DPP10: variants seen among roughly 807,000 people sequenced by gnomAD.
DPP10 encodes the protein inactive dipeptidyl peptidase 10.
Under a neutral mutation model 120.9 loss-of-function variants are expected in DPP10, and 33 were observed. That is an observed-to-expected ratio of 0.27 (90% CI 0.21 to 0.37). The LOEUF (loss-of-function observed/expected upper bound fraction) is 0.37. Among genes scored for constraint, DPP10 ranks in the 10% least tolerant of loss-of-function variants. The pLI is 1.00. For synonymous variants in DPP10, 337 were observed against 326.1 expected (o/e 1.03, Z -0.36); for missense variants, 816 against 942.8 (o/e 0.87, Z 1.76).
intron 1 of DPP10, among the ~76,000 whole-genome samples, chr2:114,981,592 C>T (rs1011561660): frequency 1.1e-4 from 17 of 151,930 alleles, no homozygotes; most frequent in African/African-American, 3.9e-4. Flanking sequence ...CTTTCTCTCT[C>T]TCCTTCGAAA....
chr2:114,930,773 G>A (rs2104497399), intron 1 of DPP10, among the ~76,000 whole-genome samples: 1 of 152,076 alleles, frequency 6.6e-6, no homozygotes, highest in African/African-American at 2.4e-5. Context: ...CACAGTGGAA[G>A]ATGAAATGGA....
At chr2:115,159,665 A>C (rs796694267) in intron 1 of DPP10, among the ~76,000 whole-genome samples, 8 of 152,320 alleles carry the variant, frequency 5.3e-5, no homozygotes, top group African/African-American at 1.9e-4. Context: ...ACAAAATAAC[A>C]ACCCATCCCC....
chr2:115,090,024 T>C (rs1387010719), intron 1 of DPP10, among the ~76,000 whole-genome samples: 1 of 152,038 alleles, frequency 6.6e-6, no homozygotes, highest in African/African-American at 2.4e-5. Flanking sequence ...CAGTAAATGA[T>C]TCAGTGGGTC....
At chr2:115,468,948 T>C in intron 3 of DPP10, 1 of 233,172 alleles carries the variant, frequency 4.3e-6, no homozygotes, top group South Asian at 4.8e-5. Context: ...AGCTGTTCTT[T>C]CATAGATACT....
intron 1 of DPP10, among the ~76,000 whole-genome samples, chr2:114,863,385 G>A (rs946895473): frequency 6.6e-6 from 1 of 152,162 alleles, no homozygotes; most frequent in Non-Finnish European, 1.5e-5. Flanking sequence ...TCGATCAAAA[G>A]TAAAGTTGGG....
chr2:114,781,966 T>C (rs1682366268), intron 1 of DPP10, among the ~76,000 whole-genome samples: 1 of 152,120 alleles, frequency 6.6e-6, no homozygotes, highest in Non-Finnish European at 1.5e-5. Context: ...AATTAAATTG[T>C]GTATGATATT....
intron 16 of DPP10, among the ~76,000 whole-genome samples, chr2:115,781,492 G>T (rs1682759137): frequency 6.6e-6 from 1 of 151,784 alleles, no homozygotes; most frequent in South Asian, 2.1e-4. Flanking sequence ...AATATGCGTA[G>T]TCTTACATGT....
intron 5 of DPP10, among the ~76,000 whole-genome samples, chr2:115,652,429 G>C (rs1031742101): frequency 2.0e-5 from 3 of 151,592 alleles, no homozygotes; most frequent in Non-Finnish European, 4.4e-5. Context: ...GTGTGTGTGT[G>C]TGTGTGTGTG....
intron 3 of DPP10, among the ~76,000 whole-genome samples, chr2:115,356,274 C>T (rs2064381061): frequency 6.6e-6 from 1 of 152,014 alleles, no homozygotes; most frequent in African/African-American, 2.4e-5. Context: ...ACTTCACATC[C>T]CTAGTTAGCT....
intron 1 of DPP10, among the ~76,000 whole-genome samples, chr2:115,150,997 TA>T (rs1181896538): frequency 1.3e-5 from 2 of 152,188 alleles, no homozygotes; most frequent in African/African-American, 4.8e-5. Context: ...ATGTTCCTGT[TA>T]ATTTTGTTTT....
chr2:114,744,830 C>A (rs537681049), intron 1 of DPP10, among the ~76,000 whole-genome samples: 1 of 152,050 alleles, frequency 6.6e-6, no homozygotes, highest in Non-Finnish European at 1.5e-5. Flanking sequence ...GGCACAATCT[C>A]GGCCCACTGC....
At chr2:115,703,078 A>G (rs2091957778) in intron 7 of DPP10, among the ~76,000 whole-genome samples, 1 of 152,046 alleles carries the variant, frequency 6.6e-6, no homozygotes. Flanking sequence ...AGAATGGAAT[A>G]ATTTCAAAAA....
chr2:115,017,305 A>G (rs1573319420), intron 1 of DPP10, among the ~76,000 whole-genome samples: 1 of 152,184 alleles, frequency 6.6e-6, no homozygotes, highest in Admixed American at 6.5e-5. Context: ...AAAATGAGAT[A>G]CCATCTCATC....
chr2:114,785,380 T>C lies in DPP10; in HGVS notation c.60+342542T>C, dbSNP rs529023978. On this transcript the variant is annotated intron_variant, in intron 1 of 25. Transcript: ENST00000410059. ...TCACATAAGCTGTTTCTGGCAGCTC[T>C]GCCTGTGACCAATTCTGCTGTCTCC... is the stretch of plus-strand genomic sequence containing the variant. Among the ~76,000 whole-genome samples the C allele has an allele frequency of 7.2e-5, 11 of 152,266 alleles. No homozygotes were observed. The South Asian group carries it at 1.0e-3, about 14-fold the overall frequency.
intron 3 of DPP10, 74 bp downstream of exon 3, chr2:115,343,986 G>A (rs1263140360): frequency 2.4e-6 from 3 of 1,273,558 alleles, no homozygotes; most frequent in African/African-American, 1.5e-5. Flanking sequence ...AATGAGATGT[G>A]TAAGCTGGGC....
intron 3 of DPP10, among the ~76,000 whole-genome samples, chr2:115,488,699 G>T (rs2075902189): frequency 8.2e-6 from 1 of 121,268 alleles, no homozygotes; most frequent in Non-Finnish European, 1.7e-5. Context: ...ATGGACACAG[G>T]AAGGGGAATA....
intron 4 of DPP10, among the ~76,000 whole-genome samples, chr2:115,502,642 A>G (rs1261204207): frequency 6.6e-6 from 1 of 152,166 alleles, no homozygotes; most frequent in East Asian, 1.9e-4. Flanking sequence ...GGTTGTAAAC[A>G]TAAGTCCAAG....
intron 5 of DPP10, among the ~76,000 whole-genome samples, chr2:115,618,434 G>T (rs1008889323): frequency 6.6e-6 from 1 of 152,158 alleles, no homozygotes; most frequent in East Asian, 1.9e-4. Context: ...TTAATGAAGA[G>T]TTGGTGAAAG....
intron 1 of DPP10, among the ~76,000 whole-genome samples, chr2:114,749,548 CTTTTA>C (rs374862583): frequency 0.022 from 2,717 of 125,616 alleles, 37 homozygotes; most frequent in East Asian, 0.056. Context: ...TCTAGCACTG[CTTTTA>C]TTTTATTTTA....
Sources: allele counts gnomAD v4.1 joint callset (sites outside exome capture counted in the v4.1 genomes callset), GRCh38; gene constraint gnomAD v4.1.1; transcripts MANE v1.5; gene names NCBI Gene and HGNC (gene_info 2026-07-23, HGNC 2026-07-21).